The following ZNF541 variants were observed in gnomAD, a reference collection of about 807,000 sequenced individuals.
ZNF541 encodes zinc finger protein 541.
ZNF541 carries 23 observed loss-of-function variants against 123.5 expected under a neutral mutation model. The ratio of observed to expected loss-of-function variants is 0.19; its 90% CI spans 0.13 to 0.26. The LOEUF is 0.26. Among genes scored for constraint, ZNF541 ranks in the 10% least tolerant of loss-of-function variants. ZNF541 has a pLI of 1.00. For missense variants in ZNF541, 1,612 were observed against 1,789.9 expected (o/e 0.90, Z 1.79); for synonymous variants, 751 against 754.5 (o/e 1.00, Z 0.08).
At chr19:47,522,813 C>A (rs1294520732) in intron 14 of ZNF541, among the ~76,000 whole-genome samples, 1 of 145,166 alleles carries the variant, frequency 6.9e-6, no homozygotes. Flanking sequence ...ATGGCACGAT[C>A]TTGGCTCACT....
At chr19:47,572,206 G>T (rs1419295719) in intron 1 of ZNF541, among the ~76,000 whole-genome samples, 164 bp from the exon 2 acceptor site, 2 of 152,158 alleles carry the variant, frequency 1.3e-5, no homozygotes, top group East Asian at 3.8e-4. Flanking sequence ...TTGGTAAGAA[G>T]AAATAATTGT....
chr19:47,521,082 T>C lies in ZNF541; in HGVS notation c.*142A>G. 1 of 1,058,862 alleles carries C rather than the reference T, an allele frequency of 9.4e-7. No homozygotes were observed. Among genetic ancestry groups the C allele is most frequent in the Non-Finnish European group, 1.3e-6 (1 of 750,584 alleles). 65.6% of individuals were successfully genotyped at this position (1,058,862 alleles called of 1,614,324 possible). ...CTCCTCCTGCCTATCTGTGGCCAAA[T>C]GCCCTCCATGTTTGCAGGCAGGTTG... On this transcript the variant is annotated 3_prime_UTR_variant, in exon 17 of 17. Coordinates refer to ENST00000391901, the MANE Select transcript of ZNF541 (RefSeq NM_001277075.3). The surrounding 1 kb of genome is among the most constrained non-coding windows in gnomAD (Gnocchi z 4.2).
intron 9 of ZNF541, among the ~76,000 whole-genome samples, 157 bp from the exon 10 acceptor site, chr19:47,533,129 G>A (rs922395616): frequency 6.6e-6 from 1 of 152,004 alleles, no homozygotes; most frequent in African/African-American, 2.4e-5. Flanking sequence ...AGCACTTTGG[G>A]AGGCTGAGGT....
intron 14 of ZNF541, among the ~76,000 whole-genome samples, chr19:47,525,467 A>T (rs1161964047): frequency 6.6e-6 from 1 of 152,168 alleles, no homozygotes; most frequent in Non-Finnish European, 1.5e-5. Flanking sequence ...CAGTAGTAAA[A>T]ACAGTATGGT....
chr19:47,544,510 G>A lies in ZNF541; in HGVS notation c.2019C>T (p.Ile673=). The A allele has an allele frequency of 6.4e-7, 1 of 1,551,676 alleles. No individual in the cohort carries two copies. The highest frequency in any genetic ancestry group is 8.7e-7 in the Non-Finnish European group (1 of 1,147,018). The change falls in exon 5 of 17, where the codon ATC becomes ATT. Residue 673 remains isoleucine, a synonymous_variant. Transcript: ENST00000391901. ...ATCGCAGCTGCTTGGCCAGAGAAGA[G>A]ATGTCTGGATTCCTGGAAGGGTCCA... is the stretch of plus-strand genomic sequence containing the variant. The part of the protein sequence containing the change: ...PSLDPSRNPD[I]SSLAKQLRSS...
At chr19:47,538,643 C>G (rs1018693084) in intron 8 of ZNF541, 1 of 541,368 alleles carries the variant, frequency 1.8e-6, no homozygotes, top group East Asian at 3.1e-5. Context: ...TTCTCCTGCA[C>G]CCACTGCCCC....
At chr19:47,539,395 G>A (rs575282598) in intron 8 of ZNF541, among the ~76,000 whole-genome samples, 1 of 151,510 alleles carries the variant, frequency 6.6e-6, no homozygotes, top group South Asian at 2.1e-4. Flanking sequence ...TCCTTCCTGG[G>A]TTCAAGTGAT....
At chr19:47,550,770 C>T (rs12165120) in intron 3 of ZNF541, among the ~76,000 whole-genome samples, 2,939 of 152,180 alleles carry the variant, frequency 0.019, 44 homozygotes, top group Middle Eastern at 0.058. Context: ...CCTCAGCCTA[C>T]TGAGTAGCTG....
chr19:47,530,430 C>T (rs1355759734), intron 12 of ZNF541, among the ~76,000 whole-genome samples: 1 of 151,592 alleles, frequency 6.6e-6, no homozygotes, highest in South Asian at 2.1e-4. Flanking sequence ...GTGATCCACC[C>T]CCGCCTTGGC....
At position 47,558,120 on chromosome 19, in the gene ZNF541, T is replaced by C. The variant is rs377604001; in HGVS notation, c.-98-2166A>G. On this transcript the variant is annotated intron_variant, in intron 2 of 16. Transcript: ENST00000391901. ...GCCTTAGAAAAAATAAGAAGGATTA[T>C]AAAAGAATACTACAGGCCAGGCGTG... 5.5e-4 allele frequency among the ~76,000 whole-genome samples: 83 copies of C among 151,894 alleles called. 3 individuals are homozygous for C. The South Asian group carries it at 0.013, about 24-fold the overall frequency.
At chr19:47,533,161 G>A (rs987886222) in intron 9 of ZNF541, among the ~76,000 whole-genome samples, 189 bp from the exon 10 acceptor site, 1 of 151,704 alleles carries the variant, frequency 6.6e-6, no homozygotes. Flanking sequence ...GAGGTCAGGA[G>A]ATCAAGACCA....
At chr19:47,550,494 T>G (rs571567825) in intron 3 of ZNF541, among the ~76,000 whole-genome samples, 1 of 152,320 alleles carries the variant, frequency 6.6e-6, no homozygotes, top group East Asian at 1.9e-4. Context: ...TTAGCTGGTT[T>G]TATTTTCCTC....
Position 47,545,829 on chromosome 19 carries a change from C to A in ZNF541, c.700G>T (p.Glu234Ter). ...GCGTGGGGGGAGTCCCCGCAGGCCT[C>A]TTCCTCCGGGGGGGCTTCCTTCAGG... ...CILKEAPPEEEACGDSPHAHE... is the reference protein window; with the variant it reads ...CILKEAPPEE Residue 234 changes from glutamate (E) to a stop codon, truncating the protein, a stop_gained, in exon 5 of 17, where the codon GAG becomes TAG. Coordinates refer to ENST00000391901, the MANE Select transcript of ZNF541 (RefSeq NM_001277075.3). LOFTEE classifies it high-confidence loss of function. The surrounding 1 kb of genome is among the most constrained non-coding windows in gnomAD (Gnocchi z 7.5). 6.5e-7 allele frequency: 1 copy of A among 1,548,508 alleles called. No individual in the cohort carries two copies.
chr19:47,523,112 T>A (rs564084188), intron 14 of ZNF541, among the ~76,000 whole-genome samples: 4 of 147,710 alleles, frequency 2.7e-5, no homozygotes, highest in Non-Finnish European at 6.0e-5. Flanking sequence ...CACTGCAACC[T>A]CCACCTCCCA....
At position 47,552,985 on chromosome 19, in the gene ZNF541, TGTAATCCCA is replaced by T. The variant is rs1438863005; in HGVS notation, c.307+2556_307+2564del. Among the ~76,000 whole-genome samples, 3 of 151,114 alleles carry T rather than the reference TGTAATCCCA, an allele frequency of 2.0e-5. No individual in the cohort carries two copies. The East Asian group carries it at 6.0e-4, about 30-fold the overall frequency. ...TTAGCTGGGCGTGGTGGGGGACACC[TGTAATCCCA>T]GCTACTCGGGAGGCTGAGGCAGGAG... On this transcript the variant is annotated intron_variant, in intron 3 of 16. Transcript: ENST00000391901.
intron 2 of ZNF541, among the ~76,000 whole-genome samples, chr19:47,571,614 A>AC (rs1474410169): frequency 6.6e-6 from 1 of 152,140 alleles, no homozygotes; most frequent in Non-Finnish European, 1.5e-5. Context: ...CCTGTGCCTT[A>AC]CCTGTAAGTA....
intron 9 of ZNF541, among the ~76,000 whole-genome samples, 180 bp from the exon 10 acceptor site, chr19:47,533,152 A>G (rs1403702487): frequency 6.6e-6 from 1 of 151,430 alleles, no homozygotes; most frequent in Non-Finnish European, 1.5e-5. Flanking sequence ...GAGGATCACG[A>G]GGTCAGGAGA....
intron 3 of ZNF541, among the ~76,000 whole-genome samples, chr19:47,552,612 G>C (rs960392410): frequency 1.3e-5 from 2 of 151,120 alleles, no homozygotes; most frequent in African/African-American, 4.9e-5. Flanking sequence ...GGGCAGTGGC[G>C]GGCGCCTGTG....
intron 4 of ZNF541, among the ~76,000 whole-genome samples, chr19:47,546,446 G>A (rs983146309): frequency 1.5e-4 from 23 of 151,182 alleles, no homozygotes; most frequent in Non-Finnish European, 4.4e-5. Flanking sequence ...GAGATGAAGT[G>A]CATTGCAGTG....
Sources: gnomAD v4.1 joint callset for allele counts (sites outside exome capture counted in the v4.1 genomes callset) on GRCh38, gnomAD v4.1.1 for gene constraint, Gnocchi (gnomAD v3.1) non-coding constraint, MANE v1.5 for transcripts, NCBI Gene and HGNC (gene_info 2026-07-23, HGNC 2026-07-21) for gene names.